Variants in TPR observed in about 807,000 individuals in gnomAD.
TPR encodes the protein nucleoprotein TPR.
TPR carries 51 observed loss-of-function variants against 316.1 expected under a neutral mutation model. The observed-to-expected ratio is 0.16, with a 90% CI of 0.13 to 0.20. The LOEUF (loss-of-function observed/expected upper bound fraction) is 0.20, where lower values mean the gene tolerates loss of function less well. TPR is among the 10% of genes least tolerant of loss of function. The probability of loss-of-function intolerance (pLI) is 1.00; values close to 1 mark genes in which losing one functional copy is unlikely to be tolerated. For missense variants in TPR, 2,272 were observed against 2,754.8 expected, an observed-to-expected ratio of 0.82 and a Z score of 3.92; for synonymous variants, 981 against 914.7, an observed-to-expected ratio of 1.07 and a Z score of -1.31.
intron 49 of TPR, among the ~76,000 whole-genome samples, chr1:186,315,214 AAACAAACAAAC>A: frequency 6.8e-6 from 1 of 148,134 alleles, no homozygotes; most frequent in African/African-American, 2.5e-5. Flanking sequence ...CTCAAAAAAA[AAACAAACAAAC>A]AAACAAAAAA....
chr1:186,317,386 G>GA, intron 49 of TPR, 96 bp downstream of exon 49: 1 of 976,914 alleles, frequency 1.0e-6, no homozygotes, highest in South Asian at 1.4e-5. Context: ...TAAAATACAG[G>GA]AAAAAAGGAT....
At chr1:186,350,960 T>C (rs577138592) in intron 20 of TPR, among the ~76,000 whole-genome samples, 2 of 152,270 alleles carry the variant, frequency 1.3e-5, no homozygotes, top group East Asian at 1.9e-4. Flanking sequence ...ACAATTGCAA[T>C]GGACACTGGC....
At chr1:186,362,238 G>A (rs755355227) in intron 7 of TPR, 50 bp downstream of exon 7, 12 of 1,452,824 alleles carry the variant, frequency 8.3e-6, no homozygotes, top group Middle Eastern at 2.1e-4. Context: ...TAACAGCTTC[G>A]TAAGTGCTTT....
intron 39 of TPR, 66 bp downstream of exon 39, chr1:186,331,432 A>G: frequency 2.6e-6 from 3 of 1,134,424 alleles, no homozygotes; most frequent in South Asian, 2.9e-5. Context: ...TAATGTTTCA[A>G]TTTGTCAAAG....
chr1:186,332,413 A>G (rs1262731705), intron 37 of TPR, 70 bp from the exon 38 acceptor site: 4 of 1,525,348 alleles, frequency 2.6e-6, no homozygotes, highest in Non-Finnish European at 3.6e-6. Flanking sequence ...AGTTTACCCA[A>G]TATGGTCACT....
chr1:186,355,081 T>C (rs184224489), intron 17 of TPR, among the ~76,000 whole-genome samples: 58 of 152,152 alleles, frequency 3.8e-4, no homozygotes, highest in Admixed American at 7.2e-4. Flanking sequence ...ATTTTTGTAT[T>C]TTTAGTAGAG....
At chr1:186,318,957 T>A (rs1657691624) in intron 46 of TPR, 129 bp from the exon 47 acceptor site, 2 of 846,790 alleles carry the variant, frequency 2.4e-6, no homozygotes, top group South Asian at 3.5e-5. Flanking sequence ...ATTTAATTAT[T>A]CCATCAAGCA....
At position 186,361,562 on chromosome 1, in the gene TPR, G is replaced by GT. The variant is rs1571634564; in HGVS notation, c.958+59dup. ...ATCCAATCATCTATACAAAACAAGG[G>GT]TAAAAAAAAAAAAAGAGTACAATAA... On this transcript the variant is annotated intron_variant, in intron 9 of 50. Coordinates refer to ENST00000367478, the MANE Select transcript of TPR (RefSeq NM_003292.3). 1.7e-5 allele frequency: 25 copies of GT among 1,488,772 alleles called. No individual in the cohort carries two copies. In the East Asian group the frequency reaches 1.9e-4, roughly 11 times the overall value. 92.2% of individuals were successfully genotyped at this position (1,488,772 alleles called of 1,614,324 possible).
At chr1:186,363,243 G>T in intron 5 of TPR, 99 bp downstream of exon 5, 1 of 1,095,500 alleles carries the variant, frequency 9.1e-7, no homozygotes, top group South Asian at 1.4e-5. Context: ...AAAACAAAAT[G>T]CAGCTTTTAA....
intron 20 of TPR, among the ~76,000 whole-genome samples, chr1:186,350,862 T>C (rs1157229997): frequency 1.3e-5 from 2 of 152,214 alleles, no homozygotes; most frequent in Non-Finnish European, 2.9e-5. Flanking sequence ...GGGGAAGAAT[T>C]GTCCAAAGGA....
chr1:186,356,532 T>C, intron 14 of TPR, 83 bp from the exon 15 acceptor site: 1 of 1,291,918 alleles, frequency 7.7e-7, no homozygotes. Context: ...CCAAGCATCT[T>C]TGCCTACCAT....
At chr1:186,331,247 A>G (rs1658157634) in intron 39 of TPR, among the ~76,000 whole-genome samples, 1 of 152,078 alleles carries the variant, frequency 6.6e-6, no homozygotes. Flanking sequence ...TTGGCTCACA[A>G]CTCTAAAAAA....
At chr1:186,363,221 GACATTAAAA>G in intron 5 of TPR, 112 bp downstream of exon 5, 1 of 1,026,720 alleles carries the variant, frequency 9.7e-7, no homozygotes, top group Non-Finnish European at 1.4e-6. Context: ...TTAATTTTCT[GACATTAAAA>G]ACAAAACAAA....
chr1:186,343,783 G>T, intron 26 of TPR, 123 bp downstream of exon 26: 1 of 986,400 alleles, frequency 1.0e-6, no homozygotes, highest in Non-Finnish European at 1.4e-6. Context: ...TGAGTTCTTT[G>T]ACAAATAAAA....
In TPR at chr1:186,338,069, C is replaced by T; in HGVS notation, c.4326G>A (p.Lys1442=). ...GTGCTTTAAGTTCTTCATATTGAGT[C>T]TTGTACCTACGTCCAATTTTCTTAA... ...TQVKKIGRRY[K]TQYEELKAQQ... The change falls in exon 31 of 51, where the codon AAG becomes AAA. Residue 1442 remains lysine (K), a synonymous_variant. Coordinates refer to ENST00000367478, the MANE Select transcript of TPR (RefSeq NM_003292.3). The T allele has an allele frequency of 3.1e-6, 5 of 1,611,770 alleles. No individual in the cohort carries two copies. Among genetic ancestry groups the T allele is most frequent in the Non-Finnish European group, 3.4e-6 (4 of 1,179,368 alleles).
At chr1:186,342,608 T>G (rs890124996) in intron 27 of TPR, 3 of 152,194 alleles carry the variant, frequency 2.0e-5, no homozygotes, top group African/African-American at 7.2e-5. Flanking sequence ...CATTATTTAC[T>G]TTTCCCTGTC....
At position 186,311,899 on chromosome 1, in the gene TPR, T is replaced by C. The variant is rs1657267954; in HGVS notation, c.*2072A>G. ...CATGCTAATCTCTGTATCATTCCAGTTTTAGTATATGTGCTGCCAAACTGA... is the reference window on the plus strand; with the variant it reads ...CATGCTAATCTCTGTATCATTCCAGCTTTAGTATATGTGCTGCCAAACTGA... On this transcript the variant is annotated 3_prime_UTR_variant, in exon 51 of 51. Coordinates refer to ENST00000367478, the MANE Select transcript of TPR (RefSeq NM_003292.3). The C allele has an allele frequency of 1.8e-6, 1 of 540,998 alleles. No homozygotes were observed. The highest frequency in any genetic ancestry group is 3.3e-6 in the Non-Finnish European group (1 of 307,008). The allele number at this position is 540,998 out of a possible 1,614,324, so 33.5% of individuals were successfully genotyped here.
chr1:186,352,224 G>T, intron 18 of TPR, 114 bp from the exon 19 acceptor site: 2 of 937,192 alleles, frequency 2.1e-6, no homozygotes, highest in African/African-American at 1.7e-5. Flanking sequence ...TGCTCTTAGG[G>T]ACTATATCTC....
intron 43 of TPR, 112 bp from the exon 44 acceptor site, chr1:186,322,698 C>G (rs969856433): frequency 3.7e-6 from 4 of 1,067,486 alleles, no homozygotes; most frequent in Non-Finnish European, 5.6e-6. Flanking sequence ...AGTTAGCAGA[C>G]AGGTAATTAG....
Sources: allele counts gnomAD v4.1 joint callset (sites outside exome capture counted in the v4.1 genomes callset), GRCh38; gene constraint gnomAD v4.1.1; transcripts MANE v1.5; gene names NCBI Gene and HGNC (gene_info 2026-07-23, HGNC 2026-07-21).